DAW1: variants seen among roughly 807,000 people sequenced by gnomAD.
The protein encoded by DAW1 is dynein assembly factor with WD repeat domains 1.
A neutral mutation model predicts 56.5 loss-of-function variants in DAW1; 47 were observed. The ratio of observed to expected loss-of-function variants is 0.83; its 90% CI spans 0.66 to 1.06. The LOEUF (loss-of-function observed/expected upper bound fraction) is 1.06. Ranked by LOEUF, DAW1 falls within the 50% of genes least tolerant of loss-of-function variation. The pLI is 0.00. For missense variants in DAW1, 505 were observed against 499.3 expected, an observed-to-expected ratio of 1.01 and a Z score of -0.11; for synonymous variants, 190 against 179.0, an observed-to-expected ratio of 1.06 and a Z score of -0.49.
intron 7 of DAW1, among the ~76,000 whole-genome samples, chr2:227,904,043 T>G (rs1691619647): frequency 6.6e-6 from 1 of 151,622 alleles, no homozygotes; most frequent in Admixed American, 6.6e-5. Flanking sequence ...CAGGGAAAGG[T>G]CCCCATTAAT....
intron 7 of DAW1, 120 bp from the exon 8 acceptor site, chr2:227,904,809 G>T: frequency 4.7e-6 from 4 of 858,392 alleles, no homozygotes; most frequent in Non-Finnish European, 7.1e-6. Flanking sequence ...CCAGCCAACC[G>T]CTGACCTCCG....
intron 11 of DAW1, among the ~76,000 whole-genome samples, chr2:227,919,217 A>G (rs1235243090): frequency 6.6e-6 from 1 of 151,874 alleles, no homozygotes; most frequent in Non-Finnish European, 1.5e-5. Context: ...AAGAAAAAAA[A>G]AAAAAAAGCA....
At chr2:227,912,464 A>G (rs1229696946) in intron 10 of DAW1, 2 of 1,304,150 alleles carry the variant, frequency 1.5e-6, no homozygotes, top group Non-Finnish European at 2.0e-6. Context: ...TGCTGTCAAC[A>G]ATATGGTATG....
intron 7 of DAW1, among the ~76,000 whole-genome samples, chr2:227,904,481 A>C (rs1691630698): frequency 6.6e-6 from 1 of 152,110 alleles, no homozygotes; most frequent in South Asian, 2.1e-4. Flanking sequence ...TTATCTTAAT[A>C]ATTTCCTTTT....
intron 1 of DAW1, 133 bp downstream of exon 1, chr2:227,871,862 C>G (rs976305181): frequency 9.1e-7 from 1 of 1,102,502 alleles, no homozygotes. Context: ...TCGGGCACTT[C>G]CCAACCTGTG....
At chr2:227,910,465 C>T (rs2949016) in intron 10 of DAW1, among the ~76,000 whole-genome samples, 72,678 of 150,178 alleles carry the variant, frequency 0.48, 18,032 homozygotes, top group Middle Eastern at 0.62. Context: ...GAGTGAGACC[C>T]CATCTTCTTG....
Position 227,885,385 on chromosome 2 carries a change from A to G in DAW1, c.75A>G (p.Leu25=), listed in dbSNP as rs968725508. 1 of 1,602,598 alleles carries G rather than the reference A, an allele frequency of 6.2e-7. No individual in the cohort carries two copies. Among genetic ancestry groups the G allele is most frequent in the Non-Finnish European group, 8.5e-7 (1 of 1,175,770 alleles). Residue 25 remains leucine, a synonymous_variant, in exon 2 of 13, where the codon TTA becomes TTG. Coordinates refer to ENST00000309931, the MANE Select transcript of DAW1 (RefSeq NM_178821.3). ...TGGAATATGAAAAACATGGAGAATT[A>G]AAGACTAAGTCCATAGATTTGCTTG... ...IMLEYEKHGE[L]KTKSIDLLDL...
chr2:227,921,687 G>T lies in DAW1; in HGVS notation c.1213+126G>T, dbSNP rs1182917712. ...TTTCTGGAGTCACTAGCTCATCTTG[G>T]CCTGCCCTCATATTTTCATTATTTA... On this transcript the variant is annotated intron_variant, in intron 12 of 12. Transcript: ENST00000309931. 3 of 994,024 alleles carry T rather than the reference G, an allele frequency of 3.0e-6. No individual in the cohort carries two copies. In the Admixed American group the frequency reaches 7.8e-5, roughly 26 times the overall value. The allele number at this position is 994,024 out of a possible 1,614,324, so 61.6% of individuals were successfully genotyped here.
chr2:227,923,911 C>G (rs1692165748), intron 12 of DAW1, 23 bp from the exon 13 acceptor site: 1 of 1,612,972 alleles, frequency 6.2e-7, no homozygotes, highest in Non-Finnish European at 8.5e-7. Flanking sequence ...AAAAAAATAA[C>G]TGCATGAAAT....
At chr2:227,906,938 T>C (rs866215024) in intron 9 of DAW1, among the ~76,000 whole-genome samples, 200 bp from the exon 10 acceptor site, 2 of 152,144 alleles carry the variant, frequency 1.3e-5, no homozygotes, top group Admixed American at 6.6e-5. Flanking sequence ...GTGACTAGAG[T>C]GTGCCTTGCT....
At position 227,893,879 on chromosome 2, in the gene DAW1, G is replaced by A; in HGVS notation, c.402G>A (p.Arg134=). 6.2e-7 allele frequency: 1 copy of A among 1,613,780 alleles called. No homozygotes were observed. Among genetic ancestry groups the A allele is most frequent in the Non-Finnish European group, 8.5e-7 (1 of 1,179,876 alleles). The change falls in exon 5 of 13, where the codon AGG becomes AGA. Residue 134 remains arginine, a synonymous_variant. Transcript: ENST00000309931. The part of the protein sequence containing the change: ...GEELNTLEGH[R]NVVYAIAFNN... ...AGCTGAACACGCTGGAGGGCCACAG[G>A]AATGTGGTTTATGCCATAGCATTCA... is the stretch of plus-strand genomic sequence containing the variant.
In DAW1 at chr2:227,906,303, C is replaced by CTAA; in HGVS notation, c.826_828dup (p.Ile276dup). 1 of 1,612,342 alleles carries CTAA rather than the reference C, an allele frequency of 6.2e-7. No individual in the cohort carries two copies. Among genetic ancestry groups the CTAA allele is most frequent in the Non-Finnish European group, 8.5e-7 (1 of 1,178,906 alleles). ...TGCCTCATTCAATTGGGATTGCTCT[C>CTAA]TAATATTAACTGGCTCTATGGACAA... On this transcript the variant is annotated inframe_insertion, in exon 9 of 13. Coordinates refer to ENST00000309931, the MANE Select transcript of DAW1 (RefSeq NM_178821.3).
chr2:227,893,914 A>G lies in DAW1; in HGVS notation c.437A>G (p.Tyr146Cys). ...TATGCCATAGCATTCAACAATCCTT[A>G]CGGGTGTGTTCATCCCTTCACTTAT... ...VVYAIAFNNP[Y>C]GDKIATGSFD... Residue 146 changes from tyrosine (Y) to cysteine (C), a missense_variant, in exon 5 of 13, where the codon TAC (tyrosine) becomes TGC (cysteine). Tyr to Cys is a radical substitution (Grantham distance 194). Transcript: ENST00000309931. 1 of 1,600,450 alleles carries G rather than the reference A, an allele frequency of 6.2e-7. No homozygotes were observed. Among genetic ancestry groups the G allele is most frequent in the Non-Finnish European group, 8.5e-7 (1 of 1,174,994 alleles).
At chr2:227,892,594 G>A (rs1014096667) in intron 4 of DAW1, among the ~76,000 whole-genome samples, 1 of 152,196 alleles carries the variant, frequency 6.6e-6, no homozygotes, top group Non-Finnish European at 1.5e-5. Context: ...GCAAATGCGA[G>A]TTTGCATCTG....
At chr2:227,915,839 TA>T (rs1691938418) in intron 10 of DAW1, among the ~76,000 whole-genome samples, 1 of 152,168 alleles carries the variant, frequency 6.6e-6, no homozygotes, top group African/African-American at 2.4e-5. Flanking sequence ...CTCTTCTTGA[TA>T]ACCACATCAA....
rs370462379 is a variant in DAW1, at chr2:227,917,934, A to G, written c.974-846A>G. Among the ~76,000 whole-genome samples, 81 of 152,270 alleles carry G rather than the reference A, an allele frequency of 5.3e-4. No individual in the cohort carries two copies. In the South Asian group the frequency reaches 0.016, roughly 31 times the overall value. On this transcript the variant is annotated intron_variant, in intron 10 of 12. Transcript: ENST00000309931. ...GTACCTACAATTTTGTATCCTTGCT[A>G]TATTTTACTACTATGTAATGCTATA... is the stretch of plus-strand genomic sequence containing the variant.
At chr2:227,892,289 C>T (rs961745830) in intron 4 of DAW1, among the ~76,000 whole-genome samples, 1 of 152,032 alleles carries the variant, frequency 6.6e-6, no homozygotes, top group Non-Finnish European at 1.5e-5. Flanking sequence ...CCTGCCACCA[C>T]GCCCAGCTAA....
chr2:227,886,837 C>T (rs1313760091), intron 2 of DAW1, among the ~76,000 whole-genome samples: 1 of 152,190 alleles, frequency 6.6e-6, no homozygotes, highest in Non-Finnish European at 1.5e-5. Flanking sequence ...GAGAGTCAGA[C>T]TAGTGATTAT....
rs78110768 is a variant in DAW1, at chr2:227,885,080, A to G, written c.41-271A>G. ...AGTCGTTCCTCAAGCCCTGAAACCT[A>G]TAGCCAGTCTACCTTCTTCCATCCA... On this transcript the variant is annotated intron_variant, in intron 1 of 12. Coordinates refer to ENST00000309931, the MANE Select transcript of DAW1 (RefSeq NM_178821.3). Among the ~76,000 whole-genome samples, 593 of 152,284 alleles carry G rather than the reference A, an allele frequency of 3.9e-3. 3 individuals carry two copies. Among genetic ancestry groups the G allele is most frequent in the African/African-American group, 0.014 (570 of 41,548 alleles).
Sources: gnomAD v4.1 joint callset for allele counts (sites outside exome capture counted in the v4.1 genomes callset) on GRCh38, gnomAD v4.1.1 for gene constraint, MANE v1.5 for transcripts, NCBI Gene and HGNC (gene_info 2026-07-23, HGNC 2026-07-21) for gene names.